CD2AP: variants seen among roughly 807,000 people sequenced by gnomAD.
CD2AP encodes the protein CD2 associated protein.
CD2AP carries 46 observed loss-of-function variants against 85.1 expected under a neutral mutation model. That is an observed-to-expected ratio of 0.54 (90% CI 0.43 to 0.69). The LOEUF (loss-of-function observed/expected upper bound fraction) is 0.69. Ranked by LOEUF, CD2AP falls within the 30% of genes least tolerant of loss-of-function variation. The probability of loss-of-function intolerance (pLI) is 0.00; values close to 1 mark genes in which losing one functional copy is unlikely to be tolerated. For synonymous variants in CD2AP, 255 were observed against 252.9 expected (o/e 1.01, Z -0.08); for missense variants, 769 against 729.5 (o/e 1.05, Z -0.62).
chr6:47,483,833 G>A (rs1765504512), intron 1 of CD2AP, among the ~76,000 whole-genome samples: 1 of 145,366 alleles, frequency 6.9e-6, no homozygotes, highest in Non-Finnish European at 1.5e-5. Context: ...TTTTCACCTA[G>A]GTTCCTTTTC....
intron 17 of CD2AP, among the ~76,000 whole-genome samples, chr6:47,620,345 G>A (rs1461654841): frequency 2.6e-5 from 4 of 152,098 alleles, no homozygotes; most frequent in Admixed American, 1.3e-4. Flanking sequence ...TTGCTTTGTC[G>A]AGGATCAGTT....
In CD2AP at chr6:47,621,415, C is replaced by G. The variant is rs147885645; in HGVS notation, c.1879-2771C>G. Among the ~76,000 whole-genome samples, 14 of 152,264 alleles carry G rather than the reference C, an allele frequency of 9.2e-5. No homozygotes were observed. The East Asian group carries it at 2.7e-3, about 29-fold the overall frequency. On this transcript the variant is annotated intron_variant, in intron 17 of 17. Coordinates refer to ENST00000359314, the MANE Select transcript of CD2AP (RefSeq NM_012120.3). ...AACCCACTTGATCATGGTGGATTAT[C>G]TTTTTGATATGTTGTCAGATTTGGT...
intron 1 of CD2AP, among the ~76,000 whole-genome samples, 162 bp downstream of exon 1, chr6:47,478,410 C>CCTTG (rs1765361333): frequency 6.6e-6 from 1 of 152,158 alleles, no homozygotes; most frequent in African/African-American, 2.4e-5. Flanking sequence ...CTGCCTTCCA[C>CCTTG]CTTGCTCTTC....
intron 2 of CD2AP, among the ~76,000 whole-genome samples, chr6:47,529,958 G>A (rs1334213366): frequency 6.6e-6 from 1 of 152,116 alleles, no homozygotes; most frequent in African/African-American, 2.4e-5. Context: ...CAGAAGCTCT[G>A]TGCTTCCCAT....
rs552839139 is a variant in CD2AP at position 47,621,291 on chromosome 6, A to G, written c.1879-2895A>G. ...GTTGTCGAATGTTTTTTCTGCATCT[A>G]TTGAGATGATATGTGATTTTTGTTT... On this transcript the variant is annotated intron_variant, in intron 17 of 17. Coordinates refer to ENST00000359314, the MANE Select transcript of CD2AP (RefSeq NM_012120.3). 4.9e-4 allele frequency among the ~76,000 whole-genome samples: 75 copies of G among 152,272 alleles called. 1 individual carries two copies. In the South Asian group the frequency reaches 0.015, roughly 31 times the overall value.
chr6:47,575,398 T>A (rs1768279900), intron 6 of CD2AP, among the ~76,000 whole-genome samples: 3 of 152,224 alleles, frequency 2.0e-5, no homozygotes, highest in Admixed American at 2.0e-4. Context: ...CTTTTAATCA[T>A]CCTTGATAAT....
chr6:47,541,039 A>G (rs1318533863), intron 3 of CD2AP, among the ~76,000 whole-genome samples: 1 of 152,202 alleles, frequency 6.6e-6, no homozygotes, highest in Non-Finnish European at 1.5e-5. Context: ...ATTTACCGTG[A>G]GGTCTGGTGA....
At chr6:47,576,427 A>G (rs1256116604) in intron 6 of CD2AP, 97 bp from the exon 7 acceptor site, 2 of 841,998 alleles carry the variant, frequency 2.4e-6, no homozygotes, top group Non-Finnish European at 4.1e-6. Context: ...TATAAGTACC[A>G]TTAGGGAAAG....
At chr6:47,527,877 C>T (rs1259653101) in intron 2 of CD2AP, among the ~76,000 whole-genome samples, 1 of 152,120 alleles carries the variant, frequency 6.6e-6, no homozygotes, top group African/African-American at 2.4e-5. Context: ...AAATTGGGTT[C>T]ACTAGTAAAA....
chr6:47,571,269 G>T (rs1171663096), intron 5 of CD2AP, among the ~76,000 whole-genome samples: 2 of 152,316 alleles, frequency 1.3e-5, no homozygotes, highest in East Asian at 3.9e-4. Flanking sequence ...CAATGCAGGA[G>T]CAAGATGGTA....
chr6:47,576,605 A>G lies in CD2AP; in HGVS notation c.808+3A>G, dbSNP rs1455990580. The G allele has an allele frequency of 1.3e-6, 2 of 1,586,028 alleles. No individual in the cohort carries two copies. The highest frequency in any genetic ancestry group is 1.7e-6 in the Non-Finnish European group (2 of 1,155,196). On this transcript the variant is annotated splice_donor_region_variant and intron_variant, in intron 7 of 17. Coordinates refer to ENST00000359314, the MANE Select transcript of CD2AP (RefSeq NM_012120.3). ...AGATACCGAAGGTAAAATTAAAGGT[A>G]TGTTTTTGAATAAAGCTTTCATATT...
At chr6:47,551,555 C>A (rs933395393) in intron 4 of CD2AP, among the ~76,000 whole-genome samples, 4 of 152,036 alleles carry the variant, frequency 2.6e-5, no homozygotes, top group Non-Finnish European at 4.4e-5. Flanking sequence ...TATTTTTATC[C>A]CCATTGTACA....
At chr6:47,497,348 T>TCCCCTTCCCCTTCCCCTTCCCC (rs1765888399) in intron 1 of CD2AP, among the ~76,000 whole-genome samples, 2 of 85,220 alleles carry the variant, frequency 2.3e-5, no homozygotes, top group Non-Finnish European at 5.6e-5. Context: ...TTCCCTTCCC[T>TCCCCTTCCCCTTCCCCTTCCCC]CCCCTTCCCC....
chr6:47,576,911 A>T, intron 7 of CD2AP, 98 bp from the exon 8 acceptor site: 1 of 772,110 alleles, frequency 1.3e-6, no homozygotes, highest in Non-Finnish European at 2.3e-6. Context: ...TTCATCTCTA[A>T]TAACTTTTAG....
chr6:47,555,866 A>G (rs1381643184), intron 5 of CD2AP, among the ~76,000 whole-genome samples: 1 of 131,152 alleles, frequency 7.6e-6, no homozygotes, highest in Non-Finnish European at 1.8e-5. Context: ...TAATGTTTGC[A>G]GCGTCATAGG....
chr6:47,498,718 A>T (rs566150127), intron 1 of CD2AP, among the ~76,000 whole-genome samples: 1 of 152,180 alleles, frequency 6.6e-6, no homozygotes, highest in Non-Finnish European at 1.5e-5. Context: ...ATTTTATAGC[A>T]TTCTGTTCTT....
At chr6:47,487,546 C>T (rs970016912) in intron 1 of CD2AP, among the ~76,000 whole-genome samples, 5 of 152,034 alleles carry the variant, frequency 3.3e-5, no homozygotes, top group South Asian at 2.1e-4. Context: ...AAAAATTAGC[C>T]GGGCATGGTG....
chr6:47,590,395 T>C (rs1362279599), intron 11 of CD2AP, among the ~76,000 whole-genome samples: 2 of 151,900 alleles, frequency 1.3e-5, no homozygotes, highest in Admixed American at 6.6e-5. Flanking sequence ...TAAAAGAAAA[T>C]ATCTGAACTG....
chr6:47,513,884 T>A (rs7757248), intron 2 of CD2AP, among the ~76,000 whole-genome samples: 3,205 of 92,218 alleles, frequency 0.035, 84 homozygotes, highest in Admixed American at 0.077. Context: ...TTAAAAAAAA[T>A]TTTTTTTTGG....
Sources: allele counts gnomAD v4.1 joint callset (sites outside exome capture counted in the v4.1 genomes callset), GRCh38; gene constraint gnomAD v4.1.1; transcripts MANE v1.5; gene names NCBI Gene and HGNC (gene_info 2026-07-23, HGNC 2026-07-21).